Variants in CHST9 observed in about 807,000 individuals in gnomAD.
The protein encoded by CHST9 is carbohydrate sulfotransferase 9.
In CHST9, 41 loss-of-function variants were observed where a neutral mutation model predicts 44.4. The observed-to-expected ratio is 0.92, with a 90% CI of 0.72 to 1.20. The LOEUF is 1.20. Ranked by LOEUF, CHST9 falls within the 50% of genes most tolerant of loss-of-function variation. The pLI is 0.00. For synonymous variants in CHST9, 171 were observed against 178.4 expected, an observed-to-expected ratio of 0.96 and a Z score of 0.33; for missense variants, 504 against 516.5, an observed-to-expected ratio of 0.98 and a Z score of 0.23.
intron 4 of CHST9, among the ~76,000 whole-genome samples, chr18:27,005,248 G>A (rs2057002673): frequency 6.6e-6 from 1 of 152,062 alleles, no homozygotes; most frequent in East Asian, 1.9e-4. Flanking sequence ...ATTATTGTAG[G>A]GATTAAATGA....
At chr18:27,033,620 T>A (rs1475428967) in intron 3 of CHST9, among the ~76,000 whole-genome samples, 3 of 152,224 alleles carry the variant, frequency 2.0e-5, no homozygotes, top group African/African-American at 7.2e-5. Flanking sequence ...TCAAGCTTTT[T>A]CTTTTGATCT....
chr18:27,034,514 A>G (rs1258601583), intron 3 of CHST9, among the ~76,000 whole-genome samples: 2 of 152,154 alleles, frequency 1.3e-5, no homozygotes, highest in African/African-American at 4.8e-5. Context: ...TTTTTTCTCA[A>G]TGCAATTATA....
chr18:27,011,158 T>A (rs2057079257), intron 4 of CHST9, among the ~76,000 whole-genome samples: 1 of 152,204 alleles, frequency 6.6e-6, no homozygotes, highest in African/African-American at 2.4e-5. Flanking sequence ...AAGTCTGGCC[T>A]GGACAATGTA....
At chr18:27,026,933 T>A (rs915817937) in intron 3 of CHST9, among the ~76,000 whole-genome samples, 3 of 152,238 alleles carry the variant, frequency 2.0e-5, no homozygotes, top group Non-Finnish European at 2.9e-5. Flanking sequence ...ATCATCGTTT[T>A]TTGTGGTGAA....
chr18:27,123,519 C>T (rs1480149095), intron 2 of CHST9, among the ~76,000 whole-genome samples: 2 of 152,060 alleles, frequency 1.3e-5, no homozygotes, highest in South Asian at 2.1e-4. Context: ...GATAGACCAT[C>T]ATGCTGTGGG....
At chr18:26,955,767 G>C (rs2056313989) in intron 4 of CHST9, among the ~76,000 whole-genome samples, 1 of 152,116 alleles carries the variant, frequency 6.6e-6, no homozygotes, top group African/African-American at 2.4e-5. Context: ...TTGGGTACCA[G>C]GTCATGTACA....
chr18:27,158,341 A>T (rs1176836129), intron 1 of CHST9, among the ~76,000 whole-genome samples: 1 of 149,906 alleles, frequency 6.7e-6, no homozygotes, highest in Admixed American at 6.7e-5. Context: ...ACCTATGAGT[A>T]AGAACATGCA....
chr18:27,060,706 A>G (rs1418406353), intron 2 of CHST9, among the ~76,000 whole-genome samples: 2 of 152,232 alleles, frequency 1.3e-5, no homozygotes, highest in East Asian at 3.8e-4. Context: ...CTCTTCTCAC[A>G]TGACATGCAT....
chr18:27,104,142 C>G (rs1436332321), intron 2 of CHST9, among the ~76,000 whole-genome samples: 1 of 152,126 alleles, frequency 6.6e-6, no homozygotes, highest in Non-Finnish European at 1.5e-5. Context: ...CTACTAAGAA[C>G]TAGGCACTGC....
intron 4 of CHST9, among the ~76,000 whole-genome samples, chr18:26,954,022 G>C (rs565542430): frequency 1.3e-5 from 2 of 152,258 alleles, no homozygotes; most frequent in Admixed American, 1.3e-4. Context: ...TGCACATGTA[G>C]AGTAATTTCA....
At chr18:27,159,525 T>C (rs1261323173) in intron 1 of CHST9, among the ~76,000 whole-genome samples, 1 of 152,218 alleles carries the variant, frequency 6.6e-6, no homozygotes, top group African/African-American at 2.4e-5. Flanking sequence ...TGTAGTATAG[T>C]TTGAAGTCAG....
At chr18:27,007,557 A>G (rs1201933639) in intron 4 of CHST9, among the ~76,000 whole-genome samples, 1 of 152,126 alleles carries the variant, frequency 6.6e-6, no homozygotes, top group Non-Finnish European at 1.5e-5. Flanking sequence ...AGGATAGATT[A>G]AAAAGCAAAA....
chr18:27,067,853 C>A (rs535080907), intron 2 of CHST9, among the ~76,000 whole-genome samples: 1 of 152,158 alleles, frequency 6.6e-6, no homozygotes, highest in Admixed American at 6.6e-5. Context: ...AGAAAGGGTA[C>A]CAAAACTCAA....
chr18:27,058,834 G>A (rs1482634914), intron 2 of CHST9, among the ~76,000 whole-genome samples: 1 of 152,084 alleles, frequency 6.6e-6, no homozygotes, highest in African/African-American at 2.4e-5. Flanking sequence ...AAAACTGCAA[G>A]CAAAATATCA....
rs529034218 is a variant in CHST9 at position 27,083,313 on chromosome 18, T to C, written c.122-34810A>G. On this transcript the variant is annotated intron_variant, in intron 2 of 5. Coordinates refer to ENST00000618847, the MANE Select transcript of CHST9 (RefSeq NM_031422.6). Reference sequence around the variant, plus strand: ...ACTAAAATTTAATATGAATTATACTTTATGTTGCCATTAATTGTTTAAGGC... The same window carrying C: ...ACTAAAATTTAATATGAATTATACTCTATGTTGCCATTAATTGTTTAAGGC... 3.3e-5 allele frequency among the ~76,000 whole-genome samples: 5 copies of C among 152,280 alleles called. No individual in the cohort carries two copies. The South Asian group carries it at 1.0e-3, about 32-fold the overall frequency.
intron 4 of CHST9, among the ~76,000 whole-genome samples, chr18:26,960,135 C>T (rs981922214): frequency 1.3e-5 from 2 of 152,038 alleles, no homozygotes; most frequent in African/African-American, 4.8e-5. Flanking sequence ...TTTAAAATAC[C>T]AGTAAAACAT....
intron 2 of CHST9, among the ~76,000 whole-genome samples, chr18:27,121,086 T>C (rs1197815791): frequency 6.6e-6 from 1 of 152,146 alleles, no homozygotes; most frequent in Non-Finnish European, 1.5e-5. Context: ...ACTGAAGCCT[T>C]GACCTTCCTG....
intron 4 of CHST9, among the ~76,000 whole-genome samples, chr18:26,967,596 C>T (rs966682170): frequency 6.6e-6 from 1 of 152,138 alleles, no homozygotes; most frequent in Non-Finnish European, 1.5e-5. Flanking sequence ...TTCTTGTAAT[C>T]TTTGTGTACT....
intron 2 of CHST9, among the ~76,000 whole-genome samples, chr18:27,112,136 T>C (rs1334421060): frequency 3.4e-5 from 5 of 148,588 alleles, no homozygotes; most frequent in Admixed American, 2.7e-4. Flanking sequence ...TAATAAAACA[T>C]ATAACTATAT....
Sources: allele counts gnomAD v4.1 joint callset (sites outside exome capture counted in the v4.1 genomes callset), GRCh38; gene constraint gnomAD v4.1.1; transcripts MANE v1.5; gene names NCBI Gene and HGNC (gene_info 2026-07-23, HGNC 2026-07-21).